Variants in FSTL5 observed in about 807,000 individuals in gnomAD.
FSTL5 encodes the protein follistatin-related protein 5.
FSTL5 carries 62 observed loss-of-function variants against 89.1 expected under a neutral mutation model. The observed-to-expected ratio is 0.70, with a 90% confidence interval of 0.57 to 0.86. The LOEUF is 0.86. Among genes scored for constraint, FSTL5 ranks in the 40% least tolerant of loss-of-function variants. The probability of loss-of-function intolerance (pLI) is 0.00; values close to 1 mark genes in which losing one functional copy is unlikely to be tolerated. For synonymous variants in FSTL5, 383 were observed against 346.2 expected, an observed-to-expected ratio of 1.11 and a Z score of -1.18; for missense variants, 1,057 against 1,001.6, an observed-to-expected ratio of 1.06 and a Z score of -0.75.
At chr4:161,577,909 T>G (rs1320878493) in intron 8 of FSTL5, among the ~76,000 whole-genome samples, 1 of 152,044 alleles carries the variant, frequency 6.6e-6, no homozygotes, top group Non-Finnish European at 1.5e-5. Flanking sequence ...CATCTCATAC[T>G]GCATATCAGA....
intron 6 of FSTL5, among the ~76,000 whole-genome samples, chr4:161,728,627 A>G (rs980931506): frequency 1.3e-5 from 2 of 152,168 alleles, no homozygotes; most frequent in Admixed American, 1.3e-4. Context: ...TCAATATTCA[A>G]CCCTAATACT....
intron 1 of FSTL5, 88 bp downstream of exon 1, chr4:162,163,527 A>C (rs1733776698): frequency 6.7e-6 from 1 of 150,254 alleles, no homozygotes; most frequent in African/African-American, 2.4e-5. Flanking sequence ...AATTATAAAA[A>C]TAAGCATAAC....
chr4:161,786,699 G>A (rs191187968), intron 4 of FSTL5, among the ~76,000 whole-genome samples: 1 of 152,192 alleles, frequency 6.6e-6, no homozygotes, highest in African/African-American at 2.4e-5. Flanking sequence ...TCTTCAGCTA[G>A]ACATGTATCT....
At chr4:161,410,446 C>T (rs1731547893) in intron 15 of FSTL5, among the ~76,000 whole-genome samples, 1 of 152,158 alleles carries the variant, frequency 6.6e-6, no homozygotes, top group Non-Finnish European at 1.5e-5. Flanking sequence ...GTGCATGGAA[C>T]ATATTCTAAG....
intron 7 of FSTL5, among the ~76,000 whole-genome samples, chr4:161,627,252 C>T (rs1735344996): frequency 6.6e-6 from 1 of 152,182 alleles, no homozygotes; most frequent in African/African-American, 2.4e-5. Flanking sequence ...GCTTCTACCA[C>T]TCTGCTCAGT....
intron 5 of FSTL5, among the ~76,000 whole-genome samples, chr4:161,774,431 C>T (rs7660373): frequency 0.21 from 31,868 of 151,912 alleles, 6,140 homozygotes; most frequent in African/African-American, 0.51. Context: ...TTTTCTTATG[C>T]GAGCCCTAGG....
chr4:161,649,578 C>A (rs1039647422), intron 7 of FSTL5, among the ~76,000 whole-genome samples: 2 of 152,114 alleles, frequency 1.3e-5, no homozygotes, highest in Admixed American at 1.3e-4. Flanking sequence ...AATATCTAAT[C>A]AATTCAGAAA....
chr4:161,736,490 C>T (rs1345754380), intron 6 of FSTL5, among the ~76,000 whole-genome samples: 1 of 152,092 alleles, frequency 6.6e-6, no homozygotes, highest in Non-Finnish European at 1.5e-5. Context: ...TACAAATATT[C>T]TATTGCCTTT....
chr4:161,941,106 T>C (rs1485938344), intron 3 of FSTL5, among the ~76,000 whole-genome samples: 1 of 151,860 alleles, frequency 6.6e-6, no homozygotes. Context: ...GTTATAAATG[T>C]AAGAGTTTAA....
Position 161,762,138 on chromosome 4 carries a change from C to T in FSTL5, c.607-2607G>A, listed in dbSNP as rs549582389. Among the ~76,000 whole-genome samples the T allele has an allele frequency of 7.2e-5, 11 of 151,910 alleles. No individual in the cohort carries two copies. In the South Asian group the frequency reaches 2.3e-3, roughly 32 times the overall value. On this transcript the variant is annotated intron_variant, in intron 5 of 15. Transcript: ENST00000306100. ...AGCATTGAAAAATTGGTTTAGGTAC[C>T]CAGAATTTTTGTTTGTTTGTTTTTG...
At chr4:162,053,473 C>T (rs959622184) in intron 2 of FSTL5, among the ~76,000 whole-genome samples, 11 of 151,748 alleles carry the variant, frequency 7.2e-5, no homozygotes, top group Non-Finnish European at 1.3e-4. Context: ...AGACAAAACA[C>T]ATTTTCAGAG....
chr4:161,788,713 C>G lies in FSTL5; in HGVS notation c.410-12639G>C, dbSNP rs578147180. Reference sequence around the variant, plus strand: ...CCAACCTGGGCAATAATGTGAGACCCCGCCCCTGTCTCTCCAAAAATAATA... The same window carrying G: ...CCAACCTGGGCAATAATGTGAGACCGCGCCCCTGTCTCTCCAAAAATAATA... On this transcript the variant is annotated intron_variant, in intron 4 of 15. Transcript: ENST00000306100. Among the ~76,000 whole-genome samples the G allele has an allele frequency of 1.4e-4, 21 of 152,116 alleles. No individual in the cohort carries two copies. In the South Asian group the frequency reaches 1.7e-3, roughly 12 times the overall value.
chr4:161,451,093 T>C (rs1163701519), intron 15 of FSTL5, among the ~76,000 whole-genome samples: 6 of 152,100 alleles, frequency 3.9e-5, no homozygotes, highest in Non-Finnish European at 7.4e-5. Flanking sequence ...TATCTGTATA[T>C]TTTTATTTAT....
chr4:161,966,410 TA>T (rs887273243), intron 3 of FSTL5, among the ~76,000 whole-genome samples: 4 of 152,068 alleles, frequency 2.6e-5, no homozygotes, highest in African/African-American at 9.7e-5. Flanking sequence ...AAATTTCTAT[TA>T]AAAAGCCTAT....
intron 3 of FSTL5, among the ~76,000 whole-genome samples, chr4:161,997,765 C>T (rs570640927): frequency 2.6e-3 from 383 of 146,494 alleles, no homozygotes; most frequent in Non-Finnish European, 5.0e-3. Context: ...CCACCACGCC[C>T]GGCTAATTTT....
intron 4 of FSTL5, among the ~76,000 whole-genome samples, chr4:161,884,754 G>C (rs918021869): frequency 3.3e-5 from 5 of 152,108 alleles, no homozygotes; most frequent in Non-Finnish European, 7.4e-5. Flanking sequence ...GTCAAAGATA[G>C]TGATAAAGAC....
intron 4 of FSTL5, among the ~76,000 whole-genome samples, chr4:161,914,446 T>G (rs560211029): frequency 6.6e-6 from 1 of 152,188 alleles, no homozygotes; most frequent in African/African-American, 2.4e-5. Context: ...AAATATTTTT[T>G]GGGGGAGAAA....
intron 15 of FSTL5, among the ~76,000 whole-genome samples, chr4:161,417,298 C>A (rs1190763529): frequency 6.6e-6 from 1 of 152,184 alleles, no homozygotes; most frequent in East Asian, 1.9e-4. Context: ...TAATTTTGCA[C>A]AACAACCAAT....
At chr4:161,796,066 G>A (rs1185085039) in intron 4 of FSTL5, among the ~76,000 whole-genome samples, 2 of 151,702 alleles carry the variant, frequency 1.3e-5, no homozygotes, top group African/African-American at 4.8e-5. Flanking sequence ...ATTTTCTTGA[G>A]GAAATAGTTT....
Sources: gnomAD v4.1 joint callset for allele counts (sites outside exome capture counted in the v4.1 genomes callset) on GRCh38, gnomAD v4.1.1 for gene constraint, MANE v1.5 for transcripts, NCBI Gene and HGNC (gene_info 2026-07-23, HGNC 2026-07-21) for gene names.